ZNF469: variants seen among roughly 807,000 people sequenced by gnomAD.
ZNF469 encodes the protein zinc finger protein 469.
A neutral mutation model predicts 1.0 loss-of-function variants in ZNF469; 1 was observed. The observed-to-expected ratio is 1.00, with a 90% CI of 0.35 to 4.73. The LOEUF (loss-of-function observed/expected upper bound fraction) is 4.73. ZNF469 is among the 30% of genes most tolerant of loss of function. The pLI is 0.16. For synonymous variants in ZNF469, 2,703 were observed against 2,363.4 expected (o/e 1.14, Z -4.17); for missense variants, 6,100 against 5,356.3 (o/e 1.14, Z -4.33).
chr16:88,310,885 C>T, the ZNF469 span, among the ~76,000 whole-genome samples: 2,898 of 152,258 alleles, frequency 0.019, 50 homozygotes, highest in Non-Finnish European at 0.031. Context: ...ACTTGCCCTG[C>T]GCCCAACTGT....
chr16:88,197,831 G>A, the ZNF469 span, among the ~76,000 whole-genome samples: 5 of 152,230 alleles, frequency 3.3e-5, no homozygotes, highest in Admixed American at 6.5e-5. Flanking sequence ...CTTCTCCATG[G>A]GCTGCCTGTG....
At chr16:88,209,431 C>T in the ZNF469 span, among the ~76,000 whole-genome samples, 1 of 151,968 alleles carries the variant, frequency 6.6e-6, no homozygotes, top group Non-Finnish European at 1.5e-5. Context: ...GCTGGGACTA[C>T]AGGTACCCGC....
the ZNF469 span, among the ~76,000 whole-genome samples, chr16:88,229,818 C>T: frequency 1.3e-5 from 2 of 152,136 alleles, no homozygotes; most frequent in Non-Finnish European, 2.9e-5. Flanking sequence ...CTCCACTCTG[C>T]CCCGCTGTGG....
chr16:88,357,936 C>T, the ZNF469 span, among the ~76,000 whole-genome samples: 2 of 152,360 alleles, frequency 1.3e-5, no homozygotes, highest in South Asian at 4.1e-4. Flanking sequence ...GCGCCTTCCA[C>T]ACCCGCAGTA....
the ZNF469 span, among the ~76,000 whole-genome samples, chr16:88,368,461 C>T: frequency 6.6e-6 from 1 of 152,214 alleles, no homozygotes; most frequent in Admixed American, 6.5e-5. Flanking sequence ...AACCATCTAG[C>T]TTCTTGGTCT....
chr16:88,416,433 G>T, intron 1 of ZNF469, among the ~76,000 whole-genome samples: 1 of 152,148 alleles, frequency 6.6e-6, no homozygotes, highest in Non-Finnish European at 1.5e-5. Flanking sequence ...CAGGCCTCCC[G>T]TCCTACCTCC....
rs145451469 is a variant in ZNF469, at chr16:88,437,940, GCCT to G, written c.10476_10478del (p.Pro3493del). The G allele has an allele frequency of 3.7e-4, 575 of 1,542,490 alleles. 3 individuals carry two copies. The African/African-American group carries it at 7.2e-3, about 19-fold the overall frequency. ...GTGCCCCTGGGCCCGGCGAGGACAG[GCCT>G]CCTCCCCGGGGAAGCAGCCCCATCC... On this transcript the variant is annotated inframe_deletion, in exon 3 of 3. Transcript: ENST00000565624.
the ZNF469 span, among the ~76,000 whole-genome samples, chr16:88,168,170 C>G: frequency 4.6e-5 from 7 of 152,342 alleles, no homozygotes; most frequent in African/African-American, 1.7e-4. The surrounding 1 kb of genome is among the most constrained non-coding windows in gnomAD (Gnocchi z 4.3). Flanking sequence ...TACCATCTCT[C>G]TAGTTTTGAG....
At chr16:88,247,013 C>T in the ZNF469 span, among the ~76,000 whole-genome samples, 1 of 137,952 alleles carries the variant, frequency 7.2e-6, no homozygotes. Context: ...ATGAGTGAAT[C>T]AATGAGTGAG....
chr16:88,370,965 A>T, the ZNF469 span, among the ~76,000 whole-genome samples: 1 of 152,256 alleles, frequency 6.6e-6, no homozygotes, highest in Non-Finnish European at 1.5e-5. Flanking sequence ...GATGGGAGGC[A>T]CGCGGCCCAG....
chr16:88,429,781 C>A lies in ZNF469; in HGVS notation c.2311C>A (p.Pro771Thr). 6.5e-7 allele frequency: 1 copy of A among 1,544,620 alleles called. No individual in the cohort carries two copies. The change falls in exon 3 of 3, where the codon CCT (proline) becomes ACT (threonine). Residue 771 changes from proline (P) to threonine (T), a missense_variant. Physicochemically the swap from Pro to Thr is conservative, Grantham distance 38 (BLOSUM62 -1). Transcript: ENST00000565624. ...KDGHQRSPGP[P>T]GLPSPPAAPR... ...TGGCCACCAGCGGTCTCCAGGCCCC[C>A]CTGGGCTCCCCTCGCCCCCCGCTGC...
chr16:88,259,310 C>G, the ZNF469 span, among the ~76,000 whole-genome samples: 2 of 150,186 alleles, frequency 1.3e-5, no homozygotes, highest in African/African-American at 4.9e-5. The surrounding 1 kb of genome is among the most constrained non-coding windows in gnomAD (Gnocchi z 4.1). Context: ...AGGGTCGACG[C>G]CCCCTCCTTC....
At chr16:88,238,325 C>T in the ZNF469 span, among the ~76,000 whole-genome samples, 1 of 152,290 alleles carries the variant, frequency 6.6e-6, no homozygotes, top group South Asian at 2.1e-4. Context: ...TGGAGAGCCG[C>T]ACAAGTGACA....
the ZNF469 span, among the ~76,000 whole-genome samples, chr16:88,230,014 C>T: frequency 7.9e-5 from 12 of 152,310 alleles, no homozygotes; most frequent in East Asian, 3.9e-4. Flanking sequence ...CCTTTCTGTC[C>T]GGTCCTCATC....
chr16:88,344,186 A>T, the ZNF469 span, among the ~76,000 whole-genome samples: 2 of 146,408 alleles, frequency 1.4e-5, no homozygotes, highest in South Asian at 4.6e-4. Flanking sequence ...GGCCCAGAGG[A>T]GCCGAAGGAG....
chr16:88,315,958 T>C, the ZNF469 span, among the ~76,000 whole-genome samples: 1 of 152,188 alleles, frequency 6.6e-6, no homozygotes, highest in Non-Finnish European at 1.5e-5. Flanking sequence ...CACAAGGCCC[T>C]GACCCCACCC....
the ZNF469 span, among the ~76,000 whole-genome samples, chr16:88,107,533 G>A: frequency 3.3e-5 from 5 of 152,230 alleles, no homozygotes; most frequent in South Asian, 6.2e-4. Context: ...GATTAAATTC[G>A]AGGTGAGATC....
chr16:88,279,815 T>C, the ZNF469 span, among the ~76,000 whole-genome samples: 2 of 147,248 alleles, frequency 1.4e-5, 1 homozygote, highest in African/African-American at 5.0e-5. Flanking sequence ...GTCAGTACCT[T>C]GTAGATATCA....
the ZNF469 span, among the ~76,000 whole-genome samples, chr16:88,117,682 C>T: frequency 6.6e-6 from 1 of 151,580 alleles, no homozygotes; most frequent in Non-Finnish European, 1.5e-5. Context: ...TGCCACGTGT[C>T]TTCGGGGACC....
Sources: gnomAD v4.1 joint callset for allele counts (sites outside exome capture counted in the v4.1 genomes callset) on GRCh38, gnomAD v4.1.1 for gene constraint, Gnocchi (gnomAD v3.1) non-coding constraint, MANE v1.5 for transcripts, NCBI Gene and HGNC (gene_info 2026-07-23, HGNC 2026-07-21) for gene names.